Variants in PRKN observed in about 807,000 individuals in gnomAD.
PRKN encodes the protein parkin RBR E3 ubiquitin protein ligase, also known as E3 ubiquitin-protein ligase parkin.
In PRKN, 56 loss-of-function variants were observed where a neutral mutation model predicts 59.5. The ratio of observed to expected loss-of-function variants is 0.94; its 90% CI spans 0.76 to 1.18. The LOEUF is 1.18. PRKN is among the 50% of genes most tolerant of loss of function. The probability of loss-of-function intolerance (pLI) is 0.00; values close to 1 mark genes in which losing one functional copy is unlikely to be tolerated. For synonymous variants in PRKN, 250 were observed against 222.1 expected (o/e 1.13, Z -1.12); for missense variants, 657 against 596.4 (o/e 1.10, Z -1.06).
intron 7 of PRKN, among the ~76,000 whole-genome samples, chr6:161,753,806 G>A (rs1382463524): frequency 6.6e-6 from 1 of 152,164 alleles, no homozygotes; most frequent in Non-Finnish European, 1.5e-5. Context: ...ACTGGGTTGT[G>A]AGGCAATGAG....
intron 9 of PRKN, among the ~76,000 whole-genome samples, chr6:161,511,567 A>G (rs1332790340): frequency 6.6e-6 from 1 of 152,188 alleles, no homozygotes; most frequent in Non-Finnish European, 1.5e-5. Context: ...TATTTCTGTG[A>G]AAGGTTTTAG....
chr6:161,990,126 C>T (rs1469592908), intron 5 of PRKN, among the ~76,000 whole-genome samples: 1 of 152,178 alleles, frequency 6.6e-6, no homozygotes, highest in Non-Finnish European at 1.5e-5. Context: ...AGCAGACTAT[C>T]TGGAGGCCCA....
At chr6:161,669,120 G>A (rs1423350548) in intron 7 of PRKN, among the ~76,000 whole-genome samples, 1 of 152,124 alleles carries the variant, frequency 6.6e-6, no homozygotes, top group African/African-American at 2.4e-5. Flanking sequence ...TTTCACTATG[G>A]GAAGTCACAG....
chr6:161,486,694 G>C (rs899061685), intron 9 of PRKN, among the ~76,000 whole-genome samples: 1 of 152,174 alleles, frequency 6.6e-6, no homozygotes, highest in East Asian at 1.9e-4. Flanking sequence ...ACTATTTCCA[G>C]TTCTTTTGGG....
chr6:161,926,365 T>C (rs1026083931), intron 6 of PRKN, among the ~76,000 whole-genome samples: 1 of 152,212 alleles, frequency 6.6e-6, no homozygotes, highest in Admixed American at 6.5e-5. Flanking sequence ...TTCAGTTTCA[T>C]CTGTCTGTTG....
rs768568929 is a variant in PRKN at position 161,582,971 on chromosome 6, A to AACAC, written c.872-13559_872-13556dup. Among the ~76,000 whole-genome samples, 820 of 117,186 alleles carry AACAC rather than the reference A, an allele frequency of 7.0e-3. 4 individuals carry two copies. The highest frequency in any genetic ancestry group is 0.015 in the East Asian group (51 of 3,508). 76.9% of individuals were successfully genotyped at this position (117,186 alleles called of 152,430 possible). A position where few individuals can be genotyped will look rare whatever the true frequency, so the allele number is the denominator to read the frequency against. On this transcript the variant is annotated intron_variant, in intron 7 of 11. Coordinates refer to ENST00000366898, the MANE Select transcript of PRKN (RefSeq NM_004562.3). The surrounding 1 kb of genome is among the most constrained non-coding windows in gnomAD (Gnocchi z 4.4). Reference sequence around the variant, plus strand: ...TCTTTCCAGTGAGATGGCCTATTCCAACACACACACACACACACACACACA... The same window carrying AACAC: ...TCTTTCCAGTGAGATGGCCTATTCCAACACACACACACACACACACACACACACA...
intron 2 of PRKN, among the ~76,000 whole-genome samples, chr6:162,398,780 T>C (rs2128148518): frequency 6.6e-6 from 1 of 152,334 alleles, no homozygotes; most frequent in Middle Eastern, 3.4e-3. Flanking sequence ...AATCTGTGTG[T>C]ATATTACATG....
intron 7 of PRKN, among the ~76,000 whole-genome samples, chr6:161,671,131 G>A (rs1363687482): frequency 6.6e-6 from 1 of 152,110 alleles, no homozygotes; most frequent in East Asian, 1.9e-4. Context: ...GACTCTCTGA[G>A]CCCGGGCGCA....
At chr6:161,513,280 A>G (rs543221449) in intron 9 of PRKN, among the ~76,000 whole-genome samples, 8 of 152,138 alleles carry the variant, frequency 5.3e-5, no homozygotes, top group African/African-American at 1.7e-4. Flanking sequence ...TCGCTCTGTC[A>G]CCCAGGCTGG....
chr6:162,687,056 T>C (rs1056924015), intron 1 of PRKN, among the ~76,000 whole-genome samples: 2 of 152,160 alleles, frequency 1.3e-5, no homozygotes, highest in Non-Finnish European at 2.9e-5. Flanking sequence ...CTGTTTTTTC[T>C]AATTCTGTGA....
At chr6:162,530,615 G>T (rs1158817564) in intron 1 of PRKN, among the ~76,000 whole-genome samples, 1 of 152,158 alleles carries the variant, frequency 6.6e-6, no homozygotes, top group Admixed American at 6.6e-5. Flanking sequence ...TAGGGTTGCT[G>T]TGAGAATGCA....
Position 161,355,588 on chromosome 6 carries a change from T to G in PRKN, c.1285+4500A>C, listed in dbSNP as rs1349860716. 6.6e-6 allele frequency among the ~76,000 whole-genome samples: 1 copy of G among 151,994 alleles called. No homozygotes were observed. Among genetic ancestry groups the G allele is most frequent in the East Asian group, 1.9e-4 (1 of 5,170 alleles). On this transcript the variant is annotated intron_variant, in intron 11 of 11. Transcript: ENST00000366898. This position sits in a 1 kb window ranked among gnomAD's most constrained non-coding sequence, Gnocchi z 6.8. Reference sequence around the variant, plus strand: ...AGCTATTTTTTTTTTGTATTTTTACTAGAGACAGGGTTTCACCATGTTAGT... The same window carrying G: ...AGCTATTTTTTTTTTGTATTTTTACGAGAGACAGGGTTTCACCATGTTAGT...
intron 9 of PRKN, among the ~76,000 whole-genome samples, chr6:161,403,648 C>T (rs968120159): frequency 2.0e-5 from 3 of 152,142 alleles, no homozygotes; most frequent in Non-Finnish European, 4.4e-5. Flanking sequence ...TGCTCCTCAG[C>T]CTATCTTCTC....
intron 4 of PRKN, among the ~76,000 whole-genome samples, chr6:162,172,456 C>G (rs1209467859): frequency 6.6e-6 from 1 of 152,172 alleles, no homozygotes; most frequent in Non-Finnish European, 1.5e-5. Flanking sequence ...TCCAGCAGAG[C>G]CAGGCCGGCC....
At position 161,675,256 on chromosome 6, in the gene PRKN, T is replaced by C. The variant is rs529178180; in HGVS notation, c.872-105840A>G. Among the ~76,000 whole-genome samples, 189 of 152,236 alleles carry C rather than the reference T, an allele frequency of 1.2e-3. 1 individual carries two copies. Among genetic ancestry groups the C allele is most frequent in the African/African-American group, 3.9e-3 (160 of 41,538 alleles). On this transcript the variant is annotated intron_variant, in intron 7 of 11. Coordinates refer to ENST00000366898, the MANE Select transcript of PRKN (RefSeq NM_004562.3). ...TTGTGGCCTACAACCTCAGAGGAAA[T>C]GTACAACAGATTCCCTCCCTGGGCT...
Position 161,457,834 on chromosome 6 carries a change from C to T in PRKN, c.1084-70957G>A, listed in dbSNP as rs887045001. 6.6e-5 allele frequency among the ~76,000 whole-genome samples: 10 copies of T among 152,154 alleles called. No homozygotes were observed. Among genetic ancestry groups the T allele is most frequent in the South Asian group, 2.1e-4 (1 of 4,832 alleles). Reference sequence around the variant, plus strand: ...AGAAGTCCAACATTTTGTAGATGACCGCACATGTAAGTTAAAGAAATAGTG... The same window carrying T: ...AGAAGTCCAACATTTTGTAGATGACTGCACATGTAAGTTAAAGAAATAGTG... On this transcript the variant is annotated intron_variant, in intron 9 of 11. Transcript: ENST00000366898. The surrounding 1 kb of genome is among the most constrained non-coding windows in gnomAD (Gnocchi z 5.0).
chr6:162,082,977 A>G (rs1174733232), intron 4 of PRKN, among the ~76,000 whole-genome samples: 2 of 152,104 alleles, frequency 1.3e-5, no homozygotes, highest in Non-Finnish European at 2.9e-5. Flanking sequence ...TTTTAAAAAA[A>G]TTATTCTGTT....
Position 161,462,040 on chromosome 6 carries a change from G to A in PRKN, c.1084-75163C>T, listed in dbSNP as rs564184888. ...GTGGGGGAAGATGGCTGGAAAGGTG[G>A]GTGAGAAGGGCACCCACAAGCTAGC... On this transcript the variant is annotated intron_variant, in intron 9 of 11. Coordinates refer to ENST00000366898, the MANE Select transcript of PRKN (RefSeq NM_004562.3). This position sits in a 1 kb window ranked among gnomAD's most constrained non-coding sequence, Gnocchi z 4.5. Among the ~76,000 whole-genome samples the A allele has an allele frequency of 6.6e-6, 1 of 152,242 alleles. No individual in the cohort carries two copies. Among genetic ancestry groups the A allele is most frequent in the South Asian group, 2.1e-4 (1 of 4,826 alleles).
intron 5 of PRKN, among the ~76,000 whole-genome samples, chr6:161,991,873 A>C (rs1340164474): frequency 6.6e-6 from 1 of 152,126 alleles, no homozygotes; most frequent in Non-Finnish European, 1.5e-5. Flanking sequence ...GCAACAACAA[A>C]AAAATGGCCC....
Sources: allele counts gnomAD v4.1 joint callset (sites outside exome capture counted in the v4.1 genomes callset), GRCh38; gene constraint gnomAD v4.1.1; non-coding constraint Gnocchi (gnomAD v3.1); transcripts MANE v1.5; gene names NCBI Gene and HGNC (gene_info 2026-07-23, HGNC 2026-07-21).